Variants in KCNMA1 observed in about 807,000 individuals in gnomAD.
KCNMA1 encodes potassium calcium-activated channel subfamily M alpha 1, also known as Calcium-activated potassium channel subunit alpha-1.
A neutral mutation model predicts 140.0 loss-of-function variants in KCNMA1; 29 were observed. The ratio of observed to expected loss-of-function variants is 0.21; its 90% CI spans 0.15 to 0.28. The LOEUF (loss-of-function observed/expected upper bound fraction) is 0.28. Ranked by LOEUF, KCNMA1 falls within the 10% of genes least tolerant of loss-of-function variation. KCNMA1 has a pLI of 1.00. For missense variants in KCNMA1, 880 were observed against 1,602.2 expected (o/e 0.55, Z 7.70); for synonymous variants, 612 against 611.9 (o/e 1.00, Z 0.00).
At chr10:77,387,603 TTTTC>T (rs770543031) in intron 2 of KCNMA1, among the ~76,000 whole-genome samples, 7 of 150,058 alleles carry the variant, frequency 4.7e-5, no homozygotes, top group African/African-American at 1.7e-4. Flanking sequence ...TTTTCTTTTC[TTTTC>T]TTTCTTTTCT....
At chr10:77,398,475 T>C (rs1407360927) in intron 2 of KCNMA1, among the ~76,000 whole-genome samples, 1 of 152,266 alleles carries the variant, frequency 6.6e-6, no homozygotes, top group Non-Finnish European at 1.5e-5. Flanking sequence ...TTTCATATGC[T>C]TGTTGGCCAT....
intron 3 of KCNMA1, among the ~76,000 whole-genome samples, chr10:77,204,835 T>A (rs2043558641): frequency 6.6e-6 from 1 of 152,106 alleles, no homozygotes; most frequent in Non-Finnish European, 1.5e-5. Context: ...AACTACTACA[T>A]CAGCTGATCT....
At chr10:77,091,955 A>G (rs1411393720) in intron 9 of KCNMA1, 2 of 152,272 alleles carry the variant, frequency 1.3e-5, no homozygotes, top group Admixed American at 1.3e-4. Context: ...TGCACGATGC[A>G]GTTAATAATA....
chr10:76,890,873 A>T (rs2039709391), intron 26 of KCNMA1, among the ~76,000 whole-genome samples: 1 of 152,210 alleles, frequency 6.6e-6, no homozygotes, highest in African/African-American at 2.4e-5. Context: ...CTCAGAAATT[A>T]CAAGGTCTAG....
downstream of KCNMA1, among the ~76,000 whole-genome samples, chr10:76,883,379 G>T (rs934626986): frequency 1.3e-5 from 2 of 152,240 alleles, no homozygotes; most frequent in Non-Finnish European, 2.9e-5. Context: ...ATTCAGAACA[G>T]AATTTGAAAC....
chr10:77,634,148 A>T, intron 1 of KCNMA1: 1 of 985,370 alleles, frequency 1.0e-6, no homozygotes, highest in Non-Finnish European at 1.2e-6. Context: ...AGGCTACCAG[A>T]GCAGCTCCCT....
intron 1 of KCNMA1, among the ~76,000 whole-genome samples, chr10:77,465,896 C>A (rs527439489): frequency 2.6e-5 from 4 of 152,180 alleles, no homozygotes; most frequent in Admixed American, 1.3e-4. Context: ...GGGCAGTCCA[C>A]AACCTGCCTC....
At chr10:77,075,765 G>A (rs2096375204) in intron 13 of KCNMA1, among the ~76,000 whole-genome samples, 1 of 152,186 alleles carries the variant, frequency 6.6e-6, no homozygotes, top group African/African-American at 2.4e-5. Context: ...CTGAATGCTT[G>A]GAGGGAAATC....
chr10:77,508,004 A>G (rs1420539750), intron 1 of KCNMA1, among the ~76,000 whole-genome samples: 1 of 152,250 alleles, frequency 6.6e-6, no homozygotes, highest in Non-Finnish European at 1.5e-5. Flanking sequence ...AGTAAACTGC[A>G]GTGTATCTAC....
At chr10:77,335,989 A>C (rs982635596) in intron 2 of KCNMA1, among the ~76,000 whole-genome samples, 2 of 152,202 alleles carry the variant, frequency 1.3e-5, no homozygotes, top group African/African-American at 4.8e-5. Flanking sequence ...GAGAGGATGA[A>C]GAAAACTAGG....
intron 1 of KCNMA1, among the ~76,000 whole-genome samples, chr10:77,510,183 C>T (rs2047846506): frequency 6.6e-6 from 1 of 152,132 alleles, no homozygotes; most frequent in Non-Finnish European, 1.5e-5. Flanking sequence ...AGCAATGTCA[C>T]CTTCCTGGAC....
intron 1 of KCNMA1, among the ~76,000 whole-genome samples, chr10:77,440,703 C>T (rs180678147): frequency 6.6e-6 from 1 of 152,346 alleles, no homozygotes; most frequent in Admixed American, 6.5e-5. Flanking sequence ...TGAGCTCATT[C>T]TGAGTTGGAG....
chr10:77,039,162 G>T, intron 15 of KCNMA1: 2 of 320,812 alleles, frequency 6.2e-6, no homozygotes, highest in South Asian at 3.8e-5. Context: ...TCCTTTCATT[G>T]AGGGGCTGGC....
intron 14 of KCNMA1, among the ~76,000 whole-genome samples, chr10:77,060,159 A>G (rs1312288487): frequency 6.6e-6 from 1 of 151,918 alleles, no homozygotes; most frequent in Non-Finnish European, 1.5e-5. Flanking sequence ...TAGGTTTAAT[A>G]CAATTCCAAT....
chr10:77,468,262 C>G (rs2098077695), intron 1 of KCNMA1, among the ~76,000 whole-genome samples: 1 of 152,144 alleles, frequency 6.6e-6, no homozygotes, highest in Non-Finnish European at 1.5e-5. Context: ...TCTGTCAGAA[C>G]CAGGGGATTC....
intron 3 of KCNMA1, among the ~76,000 whole-genome samples, chr10:77,217,975 T>C (rs2154184810): frequency 1.3e-5 from 2 of 152,336 alleles, no homozygotes; most frequent in Middle Eastern, 3.4e-3. Context: ...TAATAGCCAT[T>C]TCCATAATAC....
At chr10:76,966,960 T>G (rs747730565) in intron 20 of KCNMA1, among the ~76,000 whole-genome samples, 13 of 152,186 alleles carry the variant, frequency 8.5e-5, no homozygotes, top group Non-Finnish European at 1.8e-4. Context: ...CTAATGATCG[T>G]GCAGAGTTAA....
intron 5 of KCNMA1, among the ~76,000 whole-genome samples, chr10:77,135,230 T>C (rs1356512339): frequency 1.3e-5 from 2 of 151,924 alleles, no homozygotes; most frequent in African/African-American, 4.8e-5. Flanking sequence ...TAGCCAACAG[T>C]AAATGTTTAA....
intron 16 of KCNMA1, among the ~76,000 whole-genome samples, chr10:77,024,389 C>T (rs193095088): frequency 7.9e-5 from 12 of 152,164 alleles, no homozygotes; most frequent in East Asian, 1.9e-4. Flanking sequence ...CAAATACACA[C>T]GCACAGACAC....
Sources: allele counts gnomAD v4.1 joint callset (sites outside exome capture counted in the v4.1 genomes callset), GRCh38; gene constraint gnomAD v4.1.1; transcripts MANE v1.5; gene names NCBI Gene and HGNC (gene_info 2026-07-23, HGNC 2026-07-21).